RBMS1: variants seen among roughly 807,000 people sequenced by gnomAD.
RBMS1 encodes the protein RNA-binding motif, single-stranded-interacting protein 1.
A neutral mutation model predicts 62.3 loss-of-function variants in RBMS1; 17 were observed. The observed-to-expected ratio is 0.27, with a 90% confidence interval of 0.19 to 0.41. The LOEUF (loss-of-function observed/expected upper bound fraction) is 0.41, where lower values mean the gene tolerates loss of function less well. Ranked by LOEUF, RBMS1 falls within the 10% of genes least tolerant of loss-of-function variation. The probability of loss-of-function intolerance (pLI) is 1.00; values close to 1 mark genes in which losing one functional copy is unlikely to be tolerated. For missense variants in RBMS1, 334 were observed against 504.5 expected (o/e 0.66, Z 3.24); for synonymous variants, 172 against 170.0 (o/e 1.01, Z -0.09).
At chr2:160,380,513 A>G (rs986153610) in intron 1 of RBMS1, among the ~76,000 whole-genome samples, 1 of 152,260 alleles carries the variant, frequency 6.6e-6, no homozygotes, top group Non-Finnish European at 1.5e-5. Flanking sequence ...TTTTGCTAAA[A>G]AAGAAAAAAT....
At chr2:160,396,917 A>G (rs1388845391) in intron 1 of RBMS1, among the ~76,000 whole-genome samples, 1 of 152,088 alleles carries the variant, frequency 6.6e-6, no homozygotes, top group African/African-American at 2.4e-5. Flanking sequence ...AGGTCCGGGG[A>G]CTTTCCCCTA....
At chr2:160,324,937 C>CACACAT (rs1419233836) in intron 2 of RBMS1, among the ~76,000 whole-genome samples, 1 of 141,560 alleles carries the variant, frequency 7.1e-6, no homozygotes, top group African/African-American at 2.7e-5. Flanking sequence ...CACACACACA[C>CACACAT]ATATATATGC....
chr2:160,281,840 T>C (rs1688120736), intron 9 of RBMS1: 1 of 170,592 alleles, frequency 5.9e-6, no homozygotes, highest in African/African-American at 2.4e-5. Context: ...TCAATTTCTC[T>C]TTCATATCTA....
chr2:160,307,593 T>A (rs1396290788), intron 4 of RBMS1, among the ~76,000 whole-genome samples: 1 of 152,240 alleles, frequency 6.6e-6, no homozygotes, highest in Non-Finnish European at 1.5e-5. Flanking sequence ...ATTTGTAACA[T>A]TTGCCTAGTT....
At chr2:160,364,858 C>T (rs1160061067) in intron 2 of RBMS1, among the ~76,000 whole-genome samples, 2 of 152,158 alleles carry the variant, frequency 1.3e-5, no homozygotes, top group Non-Finnish European at 2.9e-5. Flanking sequence ...TTGTTTCCTT[C>T]GTTACCCCCC....
chr2:160,399,660 T>C (rs1271527906), intron 1 of RBMS1, among the ~76,000 whole-genome samples: 1 of 152,108 alleles, frequency 6.6e-6, no homozygotes, highest in East Asian at 1.9e-4. Flanking sequence ...ATTTAACATA[T>C]AAAACTGAGA....
Position 160,272,910 on chromosome 2 carries a change from A to C in RBMS1, c.*1862T>G, listed in dbSNP as rs1401140427. The C allele has an allele frequency of 6.6e-6, 1 of 152,240 alleles. No individual in the cohort carries two copies. The highest frequency in any genetic ancestry group is 2.4e-5 in the African/African-American group (1 of 41,456). The allele number at this position is 152,240 out of a possible 1,614,324, so 9.4% of individuals were successfully genotyped here. Reference sequence around the variant, plus strand: ...AAATTTAAGAACTAAAAAATACTTGAAAGAAATAACTGCTTAGCCCTAGCT... The same window carrying C: ...AAATTTAAGAACTAAAAAATACTTGCAAGAAATAACTGCTTAGCCCTAGCT... On this transcript the variant is annotated 3_prime_UTR_variant, in exon 14 of 14. Transcript: ENST00000348849.
chr2:160,413,212 C>T (rs1696096656), intron 1 of RBMS1, among the ~76,000 whole-genome samples: 1 of 152,050 alleles, frequency 6.6e-6, no homozygotes, highest in African/African-American at 2.4e-5. Context: ...CAGACTGCAA[C>T]CTTTAATGCA....
At chr2:160,465,930 G>A (rs1559587165) in intron 1 of RBMS1, among the ~76,000 whole-genome samples, 1 of 151,058 alleles carries the variant, frequency 6.6e-6, no homozygotes, top group Non-Finnish European at 1.5e-5. Flanking sequence ...TAGTAGTTAA[G>A]AATGTCATCT....
intron 2 of RBMS1, among the ~76,000 whole-genome samples, chr2:160,318,628 T>C (rs998516844): frequency 1.3e-5 from 2 of 152,236 alleles, no homozygotes; most frequent in South Asian, 2.1e-4. Context: ...CTATGATCCA[T>C]ACAGCTTTTA....
intron 1 of RBMS1, among the ~76,000 whole-genome samples, chr2:160,473,756 G>T (rs1230281810): frequency 6.6e-6 from 1 of 152,154 alleles, no homozygotes; most frequent in African/African-American, 2.4e-5. Flanking sequence ...CAGCAACGCA[G>T]ATTTCCACCC....
chr2:160,367,140 A>G, intron 2 of RBMS1, 76 bp downstream of exon 2: 1 of 1,401,274 alleles, frequency 7.1e-7, no homozygotes, highest in Non-Finnish European at 9.9e-7. Flanking sequence ...TTCTCTTATA[A>G]TGCAGTATAT....
intron 1 of RBMS1, among the ~76,000 whole-genome samples, chr2:160,463,088 G>GA (rs1684537181): frequency 7.1e-6 from 1 of 141,462 alleles, no homozygotes. Context: ...GTCAAGAGAA[G>GA]AAAGAAAAAA....
At chr2:160,417,058 A>G (rs1696237464) in intron 1 of RBMS1, among the ~76,000 whole-genome samples, 1 of 152,152 alleles carries the variant, frequency 6.6e-6, no homozygotes, top group African/African-American at 2.4e-5. Flanking sequence ...ATCTCTAACA[A>G]TTTAACTTAA....
At chr2:160,493,214 C>A (rs1335181399) in intron 1 of RBMS1, 75 bp downstream of exon 1, 4 of 1,417,602 alleles carry the variant, frequency 2.8e-6, no homozygotes, top group Admixed American at 3.9e-5. Context: ...CGCGCGCCCC[C>A]CTCCCCAGGC....
chr2:160,381,394 T>C (rs1054592036), intron 1 of RBMS1, among the ~76,000 whole-genome samples: 2 of 152,200 alleles, frequency 1.3e-5, no homozygotes, highest in African/African-American at 2.4e-5. Context: ...ACCCAAAGCA[T>C]GACAATTTCT....
In RBMS1 at chr2:160,273,230, T is replaced by C. The variant is rs1397721453; in HGVS notation, c.*1542A>G. On this transcript the variant is annotated 3_prime_UTR_variant, in exon 14 of 14. Transcript: ENST00000348849. ...GGTTTTCTTTACACTTGAACACTTG[T>C]AGTGATGATGTAAAGTGTGGCACTG... 6.6e-6 allele frequency: 1 copy of C among 152,258 alleles called. No individual in the cohort carries two copies. The highest frequency in any genetic ancestry group is 2.4e-5 in the African/African-American group (1 of 41,460). The allele number at this position is 152,258 out of a possible 1,614,324, so 9.4% of individuals were successfully genotyped here. A position where few individuals can be genotyped will look rare whatever the true frequency, so the allele number is the denominator to read the frequency against.
At position 160,371,578 on chromosome 2, in the gene RBMS1, G is replaced by A. The variant is rs544384938; in HGVS notation, c.76-4187C>T. ...CAATTTTCTTGATAATATTTATATG[G>A]GCTTAATTTGCATGCCAAAATGGAT... On this transcript the variant is annotated intron_variant, in intron 1 of 13. Transcript: ENST00000348849. 4.6e-4 allele frequency among the ~76,000 whole-genome samples: 70 copies of A among 152,248 alleles called. 1 individual carries two copies. The East Asian group carries it at 0.013, about 28-fold the overall frequency.
chr2:160,436,148 T>C (rs573168363), intron 1 of RBMS1, among the ~76,000 whole-genome samples: 1 of 152,354 alleles, frequency 6.6e-6, no homozygotes, highest in South Asian at 2.1e-4. Flanking sequence ...TTTCTGGTAC[T>C]CACCAGAAAA....
Sources: allele counts gnomAD v4.1 joint callset (sites outside exome capture counted in the v4.1 genomes callset), GRCh38; gene constraint gnomAD v4.1.1; transcripts MANE v1.5; gene names NCBI Gene and HGNC (gene_info 2026-07-23, HGNC 2026-07-21).